The following NRXN3 variants were observed in gnomAD, a reference collection of about 807,000 sequenced individuals.
NRXN3 encodes neurexin III.
A neutral mutation model predicts 137.6 loss-of-function variants in NRXN3; 32 were observed. The observed-to-expected ratio is 0.23, with a 90% confidence interval of 0.18 to 0.31. The LOEUF (loss-of-function observed/expected upper bound fraction) is 0.31. Ranked by LOEUF, NRXN3 falls within the 10% of genes least tolerant of loss-of-function variation. The probability of loss-of-function intolerance (pLI) is 1.00; values close to 1 mark genes in which losing one functional copy is unlikely to be tolerated. For synonymous variants in NRXN3, 798 were observed against 784.5 expected (o/e 1.02, Z -0.29); for missense variants, 1,574 against 2,062.5 (o/e 0.76, Z 4.59).
intron 8 of NRXN3, among the ~76,000 whole-genome samples, chr14:78,736,280 TG>T (rs1465549228): frequency 6.6e-6 from 1 of 152,202 alleles, no homozygotes; most frequent in Non-Finnish European, 1.5e-5. Context: ...AAAGGCAAGA[TG>T]GTGTGATGGA....
intron 15 of NRXN3, among the ~76,000 whole-genome samples, chr14:79,273,186 A>AG (rs1177444501): frequency 7.3e-6 from 1 of 137,274 alleles, no homozygotes; most frequent in Non-Finnish European, 1.6e-5. Flanking sequence ...AAAAAAAAAA[A>AG]AAAAAAAAAA....
At chr14:79,778,869 T>C (rs1568222752) in intron 19 of NRXN3, among the ~76,000 whole-genome samples, 1 of 152,226 alleles carries the variant, frequency 6.6e-6, no homozygotes, top group African/African-American at 2.4e-5. Context: ...CTTCTACCTT[T>C]CACTGTAATA....
intron 1 of NRXN3, among the ~76,000 whole-genome samples, chr14:78,180,028 A>C (rs2059673696): frequency 6.6e-6 from 1 of 151,720 alleles, no homozygotes; most frequent in South Asian, 2.1e-4. Flanking sequence ...TTGCATTTTT[A>C]GTAGAGACAG....
intron 10 of NRXN3, among the ~76,000 whole-genome samples, chr14:78,893,878 T>A (rs2099166308): frequency 6.6e-6 from 1 of 151,924 alleles, no homozygotes; most frequent in Admixed American, 6.6e-5. Flanking sequence ...AATTGTTTGG[T>A]TTCCCAGTGC....
At chr14:79,590,416 T>TAAAAAAAAAAAAAAAAAAAAAAAA (rs11419735) in intron 16 of NRXN3, among the ~76,000 whole-genome samples, 2 of 92,290 alleles carry the variant, frequency 2.2e-5, no homozygotes, top group Non-Finnish European at 3.7e-5. Context: ...TTTCTTTTGT[T>TAAAAAAAAAAAAAAAAAAAAAAAA]AAAAAAAAAA....
chr14:78,977,434 C>A (rs918776903), intron 14 of NRXN3, among the ~76,000 whole-genome samples: 2 of 152,126 alleles, frequency 1.3e-5, no homozygotes, highest in African/African-American at 2.4e-5. Context: ...TCCACTGCCC[C>A]AGCAGACCCC....
At chr14:79,042,354 A>G (rs2099626429) in intron 15 of NRXN3, among the ~76,000 whole-genome samples, 1 of 152,218 alleles carries the variant, frequency 6.6e-6, no homozygotes. Flanking sequence ...GCAAGGATAA[A>G]AAACATTGCA....
chr14:79,544,195 A>G (rs1419753697), intron 16 of NRXN3, among the ~76,000 whole-genome samples: 6 of 152,268 alleles, frequency 3.9e-5, no homozygotes, highest in Non-Finnish European at 1.5e-5. Context: ...TCAGTAACTA[A>G]GTAGTAATGG....
chr14:79,284,030 C>T (rs2081748093), intron 15 of NRXN3, among the ~76,000 whole-genome samples: 1 of 151,884 alleles, frequency 6.6e-6, no homozygotes, highest in Non-Finnish European at 1.5e-5. Context: ...TCATCCTTGG[C>T]TTTATTTCCA....
chr14:78,972,999 G>C (rs2099448763), intron 14 of NRXN3: 1 of 152,152 alleles, frequency 6.6e-6, no homozygotes, highest in Non-Finnish European at 1.5e-5. Context: ...TCTTCAAGCT[G>C]TCACACCTCT....
At chr14:78,213,609 C>T (rs2062959672) in intron 1 of NRXN3, among the ~76,000 whole-genome samples, 1 of 152,108 alleles carries the variant, frequency 6.6e-6, no homozygotes, top group African/African-American at 2.4e-5. Context: ...CTCCAATGTG[C>T]TTGGTTGTTG....
At chr14:79,592,992 T>C (rs1010667367) in intron 16 of NRXN3, among the ~76,000 whole-genome samples, 1 of 152,192 alleles carries the variant, frequency 6.6e-6, no homozygotes, top group Non-Finnish European at 1.5e-5. Flanking sequence ...TTCTGGTATT[T>C]CAAAAGTAAA....
intron 4 of NRXN3, among the ~76,000 whole-genome samples, chr14:78,450,819 C>A (rs142695818): frequency 1.3e-5 from 2 of 152,138 alleles, no homozygotes; most frequent in Non-Finnish European, 2.9e-5. Flanking sequence ...CATGGTGGCG[C>A]GAGAGGTTAG....
At chr14:78,520,697 T>G (rs2096272595) in intron 4 of NRXN3, among the ~76,000 whole-genome samples, 1 of 152,210 alleles carries the variant, frequency 6.6e-6, no homozygotes, top group African/African-American at 2.4e-5. Context: ...ACTCACAAAC[T>G]TGTGCTAAGA....
chr14:78,243,722 G>A lies in NRXN3; in HGVS notation c.629G>A (p.Gly210Asp). 1.9e-6 allele frequency: 3 copies of A among 1,598,354 alleles called. No homozygotes were observed. Among genetic ancestry groups the A allele is most frequent in the Non-Finnish European group, 2.5e-6 (3 of 1,179,776 alleles). The change falls in exon 2 of 21, where the codon GGT becomes GAT. Residue 210 changes from glycine (G) to aspartate (D), a missense_variant. Gly to Asp is a moderately conservative substitution (Grantham distance 94). Coordinates refer to ENST00000335750, the MANE Select transcript of NRXN3 (RefSeq NM_001330195.2). This position sits in a 1 kb window ranked among gnomAD's most constrained non-coding sequence, Gnocchi z 4.2. ...GPCGERPCENGGICFLLDGHP... is the reference protein window; with the variant it reads ...GPCGERPCENDGICFLLDGHP... Reference sequence around the variant, plus strand: ...TGTGGTGAGCGTCCCTGTGAAAATGGTGGGATCTGCTTTCTCCTGGACGGC... The same window carrying A: ...TGTGGTGAGCGTCCCTGTGAAAATGATGGGATCTGCTTTCTCCTGGACGGC...
chr14:79,198,105 C>T (rs1597160399), intron 15 of NRXN3, among the ~76,000 whole-genome samples: 2 of 152,292 alleles, frequency 1.3e-5, no homozygotes, highest in East Asian at 3.9e-4. Context: ...TTCCACTCTG[C>T]CACACATTTC....
At chr14:78,455,638 T>C (rs2094678393) in intron 4 of NRXN3, among the ~76,000 whole-genome samples, 1 of 152,178 alleles carries the variant, frequency 6.6e-6, no homozygotes, top group Non-Finnish European at 1.5e-5. Flanking sequence ...CAAGCACCTT[T>C]AGAACGTTTT....
At chr14:79,545,673 T>G (rs1431461052) in intron 16 of NRXN3, among the ~76,000 whole-genome samples, 4 of 152,030 alleles carry the variant, frequency 2.6e-5, no homozygotes, top group African/African-American at 7.2e-5. Context: ...GCTTGTTTTT[T>G]TTTTTGTTGT....
chr14:78,221,484 CAT>C (rs1269008242), intron 1 of NRXN3, among the ~76,000 whole-genome samples: 1 of 152,142 alleles, frequency 6.6e-6, no homozygotes, highest in Non-Finnish European at 1.5e-5. Flanking sequence ...CAGAGGGAAA[CAT>C]AGCCAGTTAA....
Sources: gnomAD v4.1 joint callset for allele counts (sites outside exome capture counted in the v4.1 genomes callset) on GRCh38, gnomAD v4.1.1 for gene constraint, Gnocchi (gnomAD v3.1) non-coding constraint, MANE v1.5 for transcripts, NCBI Gene and HGNC (gene_info 2026-07-23, HGNC 2026-07-21) for gene names.